The following FOXP2 variants were observed in gnomAD, a reference collection of about 807,000 sequenced individuals.
FOXP2 encodes forkhead box P2.
FOXP2 carries 12 observed loss-of-function variants against 115.8 expected under a neutral mutation model. The observed-to-expected ratio is 0.10, with a 90% CI of 0.07 to 0.17. FOXP2 has a LOEUF of 0.17. FOXP2 is among the 10% of genes least tolerant of loss of function. FOXP2 has a pLI of 1.00. For missense variants in FOXP2, 629 were observed against 843.5 expected (o/e 0.75, Z 3.15); for synonymous variants, 328 against 297.7 (o/e 1.10, Z -1.05).
intron 1 of FOXP2, among the ~76,000 whole-genome samples, chr7:114,226,601 C>T (rs1794754534): frequency 2.0e-5 from 3 of 152,260 alleles, no homozygotes; most frequent in Non-Finnish European, 4.4e-5. Flanking sequence ...GACTAGAAAA[C>T]TAGCATTTCC....
chr7:114,406,007 A>G (rs552347512), intron 2 of FOXP2, among the ~76,000 whole-genome samples: 9 of 151,990 alleles, frequency 5.9e-5, no homozygotes, highest in East Asian at 1.9e-4. Context: ...GTTATGAGAA[A>G]TAACTGTCAA....
intron 2 of FOXP2, among the ~76,000 whole-genome samples, chr7:114,491,969 T>C: frequency 6.6e-6 from 1 of 152,196 alleles, no homozygotes; most frequent in Admixed American, 6.5e-5. Context: ...TTGATTGGAA[T>C]AGTTTCACAA....
intron 6 of FOXP2, among the ~76,000 whole-genome samples, chr7:114,635,117 T>A (rs1398556515): frequency 1.3e-5 from 2 of 152,162 alleles, no homozygotes; most frequent in East Asian, 3.8e-4. Context: ...TAATTAAAAA[T>A]GAAATATTTG....
intron 1 of FOXP2, among the ~76,000 whole-genome samples, chr7:114,275,738 T>G (rs1167767938): frequency 6.6e-6 from 1 of 152,216 alleles, no homozygotes; most frequent in African/African-American, 2.4e-5. Flanking sequence ...TTGATATGCC[T>G]TGTAATGTTT....
chr7:114,660,984 T>G (rs1353773838), intron 13 of FOXP2, among the ~76,000 whole-genome samples: 2 of 151,888 alleles, frequency 1.3e-5, no homozygotes, highest in Admixed American at 6.6e-5. Context: ...AATTATCATA[T>G]TCAGAGCCAT....
intron 3 of FOXP2, among the ~76,000 whole-genome samples, chr7:114,561,904 C>G (rs935018617): frequency 2.0e-5 from 3 of 152,136 alleles, no homozygotes; most frequent in Non-Finnish European, 4.4e-5. Context: ...ATTCTCCTAC[C>G]TCAGCTTCCC....
chr7:114,637,429 CTTCA>C, intron 6 of FOXP2, among the ~76,000 whole-genome samples: 1 of 152,204 alleles, frequency 6.6e-6, no homozygotes, highest in South Asian at 2.1e-4. Flanking sequence ...ACCGAATAAT[CTTCA>C]CTTAAGATAA....
chr7:114,515,303 A>G (rs1798277809), intron 2 of FOXP2, among the ~76,000 whole-genome samples: 2 of 151,440 alleles, frequency 1.3e-5, no homozygotes, highest in Admixed American at 1.3e-4. Flanking sequence ...ACTGACTTCC[A>G]CAAGGGTTGA....
chr7:114,086,489 G>C (rs1411157712), upstream of FOXP2: 1 of 348,602 alleles, frequency 2.9e-6, no homozygotes. Context: ...CCCTCCCCGG[G>C]CGCGCCCCCC....
intron 1 of FOXP2, among the ~76,000 whole-genome samples, chr7:114,262,043 A>T (rs975997254): frequency 1.3e-5 from 2 of 152,126 alleles, no homozygotes; most frequent in Non-Finnish European, 2.9e-5. Context: ...GGGTGATAAG[A>T]GCGAGACTCT....
intron 2 of FOXP2, among the ~76,000 whole-genome samples, chr7:114,491,112 A>T (rs1348993151): frequency 1.3e-5 from 2 of 152,242 alleles, no homozygotes; most frequent in Non-Finnish European, 2.9e-5. Flanking sequence ...ACTAGTTTAC[A>T]GACCCACCAA....
intron 2 of FOXP2, among the ~76,000 whole-genome samples, chr7:114,532,701 T>A (rs114450326): frequency 0.016 from 2,371 of 151,722 alleles, 56 homozygotes; most frequent in African/African-American, 0.051. Flanking sequence ...AATAAATAGA[T>A]AACTACATAA....
chr7:114,249,182 AG>A (rs1173938636), intron 1 of FOXP2, among the ~76,000 whole-genome samples: 8 of 152,162 alleles, frequency 5.3e-5, no homozygotes, highest in Non-Finnish European at 1.2e-4. Context: ...TTTTATATAA[AG>A]TAACCAAAGA....
intron 2 of FOXP2, among the ~76,000 whole-genome samples, chr7:114,404,681 A>ATAT (rs561070313): frequency 0.011 from 1,664 of 152,126 alleles, 10 homozygotes; most frequent in Non-Finnish European, 0.018. Context: ...GTTTAACTTT[A>ATAT]TATCTGCTTT....
chr7:114,412,271 A>G (rs1477537616), upstream of FOXP2, among the ~76,000 whole-genome samples: 1 of 152,114 alleles, frequency 6.6e-6, no homozygotes, highest in Non-Finnish European at 1.5e-5. Context: ...TATAAAATGA[A>G]AGGAGTTTTA....
chr7:114,668,572 C>T (rs1285545146), intron 16 of FOXP2: 1 of 152,092 alleles, frequency 6.6e-6, no homozygotes, highest in Non-Finnish European at 1.5e-5. Flanking sequence ...CTATCAGGAC[C>T]ATGCACTCTG....
chr7:114,394,230 G>C lies in FOXP2; in HGVS notation c.-10-32272G>C, dbSNP rs1792683667. Among the ~76,000 whole-genome samples, 4 of 152,108 alleles carry C rather than the reference G, an allele frequency of 2.6e-5. No homozygotes were observed. In the South Asian group the frequency reaches 8.3e-4, roughly 31 times the overall value. On this transcript the variant is annotated intron_variant, in intron 2 of 17. Transcript: ENST00000634411. ...GAAATTAAGGAAACACTTAAGGAAT[G>C]ATGGGAATATGCTAAAAGAACATAG...
intron 3 of FOXP2, among the ~76,000 whole-genome samples, chr7:114,600,541 T>G (rs1038613779): frequency 3.3e-5 from 5 of 152,216 alleles, no homozygotes; most frequent in Non-Finnish European, 7.3e-5. Context: ...GAGAGCACAT[T>G]GCTGGATCAT....
intron 2 of FOXP2, among the ~76,000 whole-genome samples, chr7:114,363,867 T>C (rs1041208099): frequency 6.6e-5 from 10 of 152,146 alleles, no homozygotes; most frequent in Non-Finnish European, 1.5e-4. Context: ...AGCAAACTTA[T>C]CATTGTTAAG....
Sources: allele counts gnomAD v4.1 joint callset (sites outside exome capture counted in the v4.1 genomes callset), GRCh38; gene constraint gnomAD v4.1.1; transcripts MANE v1.5; gene names NCBI Gene and HGNC (gene_info 2026-07-23, HGNC 2026-07-21).